BMPR1B: variants seen among roughly 807,000 people sequenced by gnomAD.
BMPR1B encodes the protein bone morphogenetic protein receptor type-1B.
Under a neutral mutation model 59.1 loss-of-function variants are expected in BMPR1B, and 12 were observed. That is an observed-to-expected ratio of 0.20 (90% CI 0.13 to 0.33). The LOEUF is 0.33. Ranked by LOEUF, BMPR1B falls within the 10% of genes least tolerant of loss-of-function variation. The pLI is 1.00. For synonymous variants in BMPR1B, 237 were observed against 207.3 expected, an observed-to-expected ratio of 1.14 and a Z score of -1.23; for missense variants, 550 against 610.9, an observed-to-expected ratio of 0.90 and a Z score of 1.05.
At position 94,770,777 on chromosome 4, in the gene BMPR1B, G is replaced by A. The variant is rs28593188; in HGVS notation, c.-183+12709G>A. Among the ~76,000 whole-genome samples the A allele has an allele frequency of 7.6e-3, 1,137 of 149,462 alleles. 15 individuals carry two copies. The highest frequency in any genetic ancestry group is 0.027 in the African/African-American group (1,090 of 40,520). The stretch of plus-strand genomic sequence containing the variant: ...GACTCAGTTCATTATAATAACTTTT[G>A]TGGTAGTACCTTGTCAAGGGCTTTT... On this transcript the variant is annotated intron_variant, in intron 1 of 12. Coordinates refer to ENST00000515059, the MANE Select transcript of BMPR1B (RefSeq NM_001203.3).
chr4:94,817,608 T>TG (rs1020375480), intron 1 of BMPR1B, among the ~76,000 whole-genome samples: 3 of 152,126 alleles, frequency 2.0e-5, no homozygotes, highest in African/African-American at 7.2e-5. Context: ...GTTGTTCTAT[T>TG]GCATTCAGCT....
At chr4:94,873,299 T>C (rs548013189) in intron 1 of BMPR1B, among the ~76,000 whole-genome samples, 4 of 152,330 alleles carry the variant, frequency 2.6e-5, no homozygotes, top group Non-Finnish European at 5.9e-5. Context: ...ATTTTTGCTT[T>C]TTTTCCTTCA....
intron 2 of BMPR1B, among the ~76,000 whole-genome samples, chr4:94,975,790 T>C (rs1731010941): frequency 6.6e-6 from 1 of 152,260 alleles, no homozygotes; most frequent in African/African-American, 2.4e-5. Flanking sequence ...AGAAAATGTT[T>C]TACCTTTCTT....
chr4:95,115,537 T>G, intron 5 of BMPR1B, 148 bp from the exon 6 acceptor site: 1 of 727,290 alleles, frequency 1.4e-6, no homozygotes, highest in Middle Eastern at 2.7e-4. Context: ...TAAATTACCT[T>G]ATAGAGGAGA....
intron 3 of BMPR1B, among the ~76,000 whole-genome samples, chr4:95,022,538 T>G (rs1724064518): frequency 6.6e-6 from 1 of 152,156 alleles, no homozygotes; most frequent in African/African-American, 2.4e-5. Flanking sequence ...GAAGGAAATT[T>G]TATTGATGTT....
intron 2 of BMPR1B, among the ~76,000 whole-genome samples, chr4:94,968,363 T>G (rs573809287): frequency 2.0e-3 from 307 of 152,266 alleles, no homozygotes; most frequent in African/African-American, 4.9e-3. Context: ...TGTTGTTGTT[T>G]TTTTTAATCA....
chr4:95,054,863 A>G (rs1726800507), intron 3 of BMPR1B, among the ~76,000 whole-genome samples: 1 of 152,188 alleles, frequency 6.6e-6, no homozygotes, highest in African/African-American at 2.4e-5. Context: ...CCTGACGAGG[A>G]TAGGCCTCAT....
chr4:94,876,328 T>C (rs1488987272), intron 2 of BMPR1B, among the ~76,000 whole-genome samples: 7 of 152,214 alleles, frequency 4.6e-5, no homozygotes, highest in Non-Finnish European at 1.0e-4. Flanking sequence ...CTGATAGTTC[T>C]AGTTGGTGTC....
chr4:94,944,433 T>C (rs922259010), intron 2 of BMPR1B, among the ~76,000 whole-genome samples: 6 of 152,220 alleles, frequency 3.9e-5, no homozygotes, highest in African/African-American at 1.2e-4. Flanking sequence ...GTAGCAGATT[T>C]TAAATACATA....
chr4:94,928,551 C>G (rs1167092960), intron 2 of BMPR1B, among the ~76,000 whole-genome samples: 1 of 149,988 alleles, frequency 6.7e-6, no homozygotes, highest in Non-Finnish European at 1.5e-5. Context: ...CCTATGTTGT[C>G]ATGCAAATTA....
rs1183544705 is a variant in BMPR1B at position 94,806,394 on chromosome 4, A to C, written c.-183+48326A>C. The stretch of plus-strand genomic sequence containing the variant: ...GTTTTAGCAGATTATTAAACTAAAC[A>C]GTCTGCTATTTAAACAAGTTTAAAG... On this transcript the variant is annotated intron_variant, in intron 1 of 12. Coordinates refer to ENST00000515059, the MANE Select transcript of BMPR1B (RefSeq NM_001203.3). 2.0e-5 allele frequency among the ~76,000 whole-genome samples: 3 copies of C among 152,240 alleles called. No homozygotes were observed. In the East Asian group the frequency reaches 5.8e-4, roughly 29 times the overall value.
rs865808825 is a variant in BMPR1B, at chr4:94,774,835, T to C, written c.-183+16767T>C. Among the ~76,000 whole-genome samples, 11 of 152,070 alleles carry C rather than the reference T, an allele frequency of 7.2e-5. 1 individual carries two copies. Among genetic ancestry groups the C allele is most frequent in the Admixed American group, 6.5e-4 (10 of 15,280 alleles). On this transcript the variant is annotated intron_variant, in intron 1 of 12. Coordinates refer to ENST00000515059, the MANE Select transcript of BMPR1B (RefSeq NM_001203.3). ...TCTCTATCTTTTACAATATGGAATA[T>C]AGAACCCAAAAGATGCTTGGTCAGT...
At chr4:94,991,393 T>C (rs1721749766) in intron 2 of BMPR1B, among the ~76,000 whole-genome samples, 1 of 152,192 alleles carries the variant, frequency 6.6e-6, no homozygotes, top group Non-Finnish European at 1.5e-5. Context: ...TGTAGAAGGC[T>C]CAGTTTAGGG....
At chr4:94,918,285 C>T (rs1381622874) in intron 2 of BMPR1B, among the ~76,000 whole-genome samples, 1 of 152,124 alleles carries the variant, frequency 6.6e-6, no homozygotes, top group African/African-American at 2.4e-5. Context: ...AGTATACATA[C>T]ATCACACTGC....
intron 3 of BMPR1B, among the ~76,000 whole-genome samples, chr4:95,029,766 T>C (rs1724691578): frequency 6.6e-6 from 1 of 152,146 alleles, no homozygotes; most frequent in African/African-American, 2.4e-5. Flanking sequence ...CCACATCCTC[T>C]CCAGCACCTG....
chr4:94,870,513 G>A (rs1452182065), intron 1 of BMPR1B, among the ~76,000 whole-genome samples: 2 of 152,154 alleles, frequency 1.3e-5, no homozygotes, highest in South Asian at 2.1e-4. Context: ...GCAAGTTTTG[G>A]ATTAATAGCA....
intron 3 of BMPR1B, among the ~76,000 whole-genome samples, chr4:95,087,464 C>T (rs1366493353): frequency 6.6e-6 from 1 of 152,100 alleles, no homozygotes; most frequent in Non-Finnish European, 1.5e-5. Context: ...GGTGCAGTGG[C>T]TCACACCCGT....
At chr4:94,997,450 A>G (rs1722135853) in intron 3 of BMPR1B, among the ~76,000 whole-genome samples, 1 of 152,226 alleles carries the variant, frequency 6.6e-6, no homozygotes, top group African/African-American at 2.4e-5. Flanking sequence ...TTTTAAAATG[A>G]GACCAATAGC....
Position 95,054,508 on chromosome 4 carries a change from T to C in BMPR1B, c.-17-49900T>C, listed in dbSNP as rs1408922094. Among the ~76,000 whole-genome samples the C allele has an allele frequency of 3.9e-5, 6 of 152,140 alleles. No individual in the cohort carries two copies. In the East Asian group the frequency reaches 7.7e-4, roughly 19 times the overall value. ...AAATGGGGAATTGCCTTCCTAATAGTGAAAATGTGACCTGTAATGGTCAAA... is the reference window on the plus strand; with the variant it reads ...AAATGGGGAATTGCCTTCCTAATAGCGAAAATGTGACCTGTAATGGTCAAA... On this transcript the variant is annotated intron_variant, in intron 3 of 12. Coordinates refer to ENST00000515059, the MANE Select transcript of BMPR1B (RefSeq NM_001203.3).
Sources: allele counts gnomAD v4.1 joint callset (sites outside exome capture counted in the v4.1 genomes callset), GRCh38; gene constraint gnomAD v4.1.1; transcripts MANE v1.5; gene names NCBI Gene and HGNC (gene_info 2026-07-23, HGNC 2026-07-21).